CPD: variants seen among roughly 807,000 people sequenced by gnomAD.
CPD encodes carboxypeptidase D.
In CPD, 69 loss-of-function variants were observed where a neutral mutation model predicts 138.3. The observed-to-expected ratio is 0.50, with a 90% CI of 0.41 to 0.61. The LOEUF (loss-of-function observed/expected upper bound fraction) is 0.61, where lower values mean the gene tolerates loss of function less well. Among genes scored for constraint, CPD ranks in the 20% least tolerant of loss-of-function variants. The pLI is 0.00. For missense variants in CPD, 1,432 were observed against 1,733.3 expected (o/e 0.83, Z 3.09); for synonymous variants, 651 against 642.1 (o/e 1.01, Z -0.21).
At chr17:30,392,229 C>T (rs1177749256) in intron 2 of CPD, among the ~76,000 whole-genome samples, 3 of 151,968 alleles carry the variant, frequency 2.0e-5, no homozygotes, top group African/African-American at 7.3e-5. Flanking sequence ...AGGCTGCTCT[C>T]TAACTCCTGA....
At chr17:30,413,759 C>G (rs1199033871) in intron 2 of CPD, among the ~76,000 whole-genome samples, 1 of 152,058 alleles carries the variant, frequency 6.6e-6, no homozygotes, top group Non-Finnish European at 1.5e-5. Flanking sequence ...GAAAAAGCAA[C>G]AAGGTAGAAA....
At chr17:30,443,471 G>A (rs1912935036) in intron 10 of CPD, among the ~76,000 whole-genome samples, 3 of 152,176 alleles carry the variant, frequency 2.0e-5, no homozygotes, top group South Asian at 4.1e-4. Context: ...TGAACTATAA[G>A]AGTCCTTCTG....
chr17:30,458,088 G>C (rs1223356639), intron 17 of CPD, among the ~76,000 whole-genome samples: 1 of 152,080 alleles, frequency 6.6e-6, no homozygotes, highest in Non-Finnish European at 1.5e-5. Context: ...CAGCTACTTG[G>C]GAGGCTGAGG....
intron 2 of CPD, among the ~76,000 whole-genome samples, chr17:30,391,621 G>A (rs545180930): frequency 2.0e-5 from 3 of 152,274 alleles, no homozygotes; most frequent in Admixed American, 1.3e-4. Flanking sequence ...TTGGAATCCC[G>A]TTGCCTTAGG....
intron 9 of CPD, among the ~76,000 whole-genome samples, chr17:30,441,725 G>A (rs1172706772): frequency 2.2e-4 from 26 of 117,298 alleles, no homozygotes; most frequent in African/African-American, 5.8e-4. Context: ...ATTGATTTGC[G>A]TATATTGAAC....
In CPD at chr17:30,427,424, G is replaced by A. The variant is rs372336205; in HGVS notation, c.1883G>A (p.Ser628Asn). 1 of 1,614,134 alleles carries A rather than the reference G, an allele frequency of 6.2e-7. No individual in the cohort carries two copies. Residue 628 changes from serine to asparagine, a missense_variant, in exon 7 of 21, where the codon AGC (serine) becomes AAC (asparagine). Ser to Asn is a conservative substitution (Grantham distance 46, BLOSUM62 1). Coordinates refer to ENST00000225719, the MANE Select transcript of CPD (RefSeq NM_001304.5). ...ATAAGTGTAATTGGCAGAAACAACA[G>A]CAACAACTTTGACCTGAACCGAAAT... Reference protein sequence around the residue: ...DSISVIGRNNSNNFDLNRNFP... With the variant: ...DSISVIGRNNNNNFDLNRNFP...
chr17:30,448,945 T>A (rs1457606972), intron 12 of CPD, among the ~76,000 whole-genome samples: 1 of 151,718 alleles, frequency 6.6e-6, no homozygotes, highest in Non-Finnish European at 1.5e-5. Context: ...CTCTACAAAA[T>A]TTTTTTTAAA....
At chr17:30,401,939 C>T (rs1911682653) in intron 2 of CPD, among the ~76,000 whole-genome samples, 1 of 139,456 alleles carries the variant, frequency 7.2e-6, no homozygotes, top group Admixed American at 7.1e-5. Context: ...CATTATTTCA[C>T]TTTTTTTTTT....
chr17:30,404,293 TTACTTAA>T (rs1323258438), intron 2 of CPD, among the ~76,000 whole-genome samples: 1 of 152,180 alleles, frequency 6.6e-6, no homozygotes, highest in South Asian at 2.1e-4. Context: ...TTTGAATCAT[TTACTTAA>T]TACTTAAGTG....
intron 5 of CPD, among the ~76,000 whole-genome samples, chr17:30,423,292 A>G: frequency 6.6e-6 from 1 of 152,344 alleles, no homozygotes; most frequent in South Asian, 2.1e-4. Context: ...TATTTATATT[A>G]TATAGCATAT....
rs558567693 is a variant in CPD, at chr17:30,468,672, T to C, written c.*3858T>C. ...ATCTACTAATCCTGTATAAAAGTTA[T>C]TTTACGATGTTTGTCTTTCTTTGTG... On this transcript the variant is annotated 3_prime_UTR_variant, in exon 21 of 21. Transcript: ENST00000225719. 6.5e-5 allele frequency: 10 copies of C among 152,780 alleles called. No individual in the cohort carries two copies. The East Asian group carries it at 1.9e-3, about 29-fold the overall frequency. 9.5% of individuals were successfully genotyped at this position (152,780 alleles called of 1,614,324 possible). A position where few individuals can be genotyped will look rare whatever the true frequency, so the allele number is the denominator to read the frequency against.
chr17:30,455,906 C>T (rs1913280272), intron 15 of CPD: 2 of 268,776 alleles, frequency 7.4e-6, no homozygotes, highest in Non-Finnish European at 7.0e-6. Flanking sequence ...TCTGTGGGGT[C>T]GCAGTATATG....
intron 2 of CPD, among the ~76,000 whole-genome samples, chr17:30,418,741 T>C (rs531325020): frequency 6.6e-6 from 1 of 152,186 alleles, no homozygotes. Flanking sequence ...TGGCGTTATT[T>C]GTAAGTGCTG....
rs766436879 is a variant in CPD, at chr17:30,421,830, C to T, written c.1304C>T (p.Thr435Ile). Residue 435 changes from threonine (T) to isoleucine (I), a missense_variant, in exon 4 of 21, where the codon ACT becomes ATT. Physicochemically the swap from Thr to Ile is moderately conservative, Grantham distance 89. Transcript: ENST00000225719. ...PGTYNLTVVLTGYMPLTVTNV... is the reference protein window; with the variant it reads ...PGTYNLTVVLIGYMPLTVTNV... ...ACTTACAACCTTACAGTAGTTTTAACTGGGTAAGAATTTAAACTATGTAGA... is the reference window on the plus strand; with the variant it reads ...ACTTACAACCTTACAGTAGTTTTAATTGGGTAAGAATTTAAACTATGTAGA... 1.2e-6 allele frequency: 2 copies of T among 1,609,742 alleles called. No homozygotes were observed. Among genetic ancestry groups the T allele is most frequent in the South Asian group, 2.2e-5 (2 of 90,908 alleles).
At chr17:30,430,929 T>C (rs763621558) in intron 7 of CPD, among the ~76,000 whole-genome samples, 1 of 152,190 alleles carries the variant, frequency 6.6e-6, no homozygotes, top group African/African-American at 2.4e-5. Context: ...AGTGCTGAGA[T>C]TATAGGTGTG....
intron 20 of CPD, among the ~76,000 whole-genome samples, chr17:30,463,656 C>T (rs950550936): frequency 6.6e-6 from 1 of 152,170 alleles, no homozygotes; most frequent in Non-Finnish European, 1.5e-5. Context: ...CTAAGTGCAG[C>T]TTGGATGAGG....
intron 2 of CPD, among the ~76,000 whole-genome samples, chr17:30,413,424 A>C (rs1912019677): frequency 6.6e-6 from 1 of 152,222 alleles, no homozygotes. Context: ...CAAGGTTAAG[A>C]CCGAGTTACT....
At chr17:30,457,722 A>G (rs1283621901) in intron 17 of CPD, among the ~76,000 whole-genome samples, 3 of 151,018 alleles carry the variant, frequency 2.0e-5, no homozygotes, top group Non-Finnish European at 2.9e-5. Flanking sequence ...TGCAGTGGCT[A>G]TGGCTCCTTC....
At chr17:30,429,489 T>C (rs1742358902) in intron 7 of CPD, among the ~76,000 whole-genome samples, 1 of 152,184 alleles carries the variant, frequency 6.6e-6, no homozygotes, top group South Asian at 2.1e-4. Flanking sequence ...GCAAAGCAGT[T>C]TGAAGGAGAA....
Sources: gnomAD v4.1 joint callset for allele counts (sites outside exome capture counted in the v4.1 genomes callset) on GRCh38, gnomAD v4.1.1 for gene constraint, MANE v1.5 for transcripts, NCBI Gene and HGNC (gene_info 2026-07-23, HGNC 2026-07-21) for gene names.